The following VAC14 variants were observed in gnomAD, a reference collection of about 807,000 sequenced individuals.
VAC14 encodes protein VAC14 homolog.
Under a neutral mutation model 85.3 loss-of-function variants are expected in VAC14, and 47 were observed. That is an observed-to-expected ratio of 0.55 (90% CI 0.44 to 0.70). The LOEUF (loss-of-function observed/expected upper bound fraction) is 0.70. Among genes scored for constraint, VAC14 ranks in the 30% least tolerant of loss-of-function variants. The pLI is 0.00. For synonymous variants in VAC14, 447 were observed against 430.5 expected, an observed-to-expected ratio of 1.04 and a Z score of -0.47; for missense variants, 861 against 1,004.3, an observed-to-expected ratio of 0.86 and a Z score of 1.93.
chr16:70,698,442 G>A lies in VAC14; in HGVS notation c.1836+195C>T, dbSNP rs1452824283. Among the ~76,000 whole-genome samples, 6 of 152,174 alleles carry A rather than the reference G, an allele frequency of 3.9e-5. No individual in the cohort carries two copies. The East Asian group carries it at 9.7e-4, about 24-fold the overall frequency. ...GGGCAGAGACCTCAGTGTGGGTGAC[G>A]TGACGCACCCATGGTTAGTGCTGCG... On this transcript the variant is annotated intron_variant, in intron 15 of 18. Coordinates refer to ENST00000261776, the MANE Select transcript of VAC14 (RefSeq NM_018052.5).
intron 14 of VAC14, among the ~76,000 whole-genome samples, chr16:70,719,850 C>T (rs946390464): frequency 2.0e-5 from 3 of 152,134 alleles, no homozygotes; most frequent in African/African-American, 7.2e-5. Flanking sequence ...TCCAGCAATT[C>T]CTAGGTATAT....
chr16:70,691,522 C>T (rs913349810), intron 18 of VAC14: 102 of 985,354 alleles, frequency 1.0e-4, no homozygotes, highest in Non-Finnish European at 1.2e-4. Context: ...CACACATGCG[C>T]CCCCGCTCCA....
rs201408827 is a variant in VAC14, at chr16:70,731,639, G to A, written c.1529-12C>T. ...TAAGCCTTTGGTACCTGTAGAGAAA[G>A]GGATAGAGCCAGCATTTATTCTGAT... On this transcript the variant is annotated splice_polypyrimidine_tract_variant and intron_variant, in intron 13 of 18. Transcript: ENST00000261776. 3 of 1,613,218 alleles carry A rather than the reference G, an allele frequency of 1.9e-6. No homozygotes were observed. The highest frequency in any genetic ancestry group is 2.5e-6 in the Non-Finnish European group (3 of 1,179,684).
rs2033281210 is a variant in VAC14 at position 70,772,348 on chromosome 16, A to G, written c.1097-176T>C. On this transcript the variant is annotated intron_variant, in intron 9 of 18. Transcript: ENST00000261776. ...CCCAACCAACGCCCAGTCATTCTCG[A>G]TAGTCCCCAAGCTTGTAAGTCTGTA... 15 of 586,130 alleles carry G rather than the reference A, an allele frequency of 2.6e-5. No homozygotes were observed. The South Asian group carries it at 2.8e-4, about 11-fold the overall frequency. The allele number at this position is 586,130 out of a possible 1,614,324, so 36.3% of individuals were successfully genotyped here.
At chr16:70,721,153 A>G (rs1036561051) in intron 14 of VAC14, among the ~76,000 whole-genome samples, 2 of 152,178 alleles carry the variant, frequency 1.3e-5, no homozygotes, top group Non-Finnish European at 2.9e-5. Flanking sequence ...CTCCTGGGAG[A>G]GTATGCCGGC....
intron 18 of VAC14, among the ~76,000 whole-genome samples, chr16:70,692,524 T>G (rs2053616989): frequency 6.6e-6 from 1 of 152,120 alleles, no homozygotes; most frequent in Non-Finnish European, 1.5e-5. Context: ...CCAGATGCCC[T>G]CAGAGTTTTT....
At chr16:70,717,296 C>A (rs1458123578) in intron 14 of VAC14, among the ~76,000 whole-genome samples, 6 of 152,222 alleles carry the variant, frequency 3.9e-5, no homozygotes, top group Non-Finnish European at 5.9e-5. Context: ...AAGCGGGTGG[C>A]CTGTCCACTA....
At chr16:70,750,442 G>A (rs781358923) in intron 12 of VAC14, among the ~76,000 whole-genome samples, 2 of 152,260 alleles carry the variant, frequency 1.3e-5, no homozygotes, top group East Asian at 1.9e-4. Context: ...TTACCATGGT[G>A]ACAGGCGGGG....
chr16:70,691,168 C>T (rs1435161673), intron 18 of VAC14: 17 of 985,378 alleles, frequency 1.7e-5, no homozygotes, highest in Non-Finnish European at 2.0e-5. Context: ...CTTGTTCTAC[C>T]CTGGTTTGAG....
chr16:70,743,476 C>G (rs1462180882), intron 13 of VAC14, among the ~76,000 whole-genome samples: 1 of 152,252 alleles, frequency 6.6e-6, no homozygotes, highest in African/African-American at 2.4e-5. Flanking sequence ...GTCCGCACCA[C>G]TTTAACAGCT....
intron 14 of VAC14, among the ~76,000 whole-genome samples, chr16:70,724,231 C>T (rs1442951196): frequency 6.6e-6 from 1 of 152,196 alleles, no homozygotes; most frequent in Non-Finnish European, 1.5e-5. Context: ...ATCCATTTTG[C>T]AGGAGAAAAG....
Position 70,782,017 on chromosome 16 carries a change from CA to C in VAC14, c.812-15del, listed in dbSNP as rs764298284. The C allele has an allele frequency of 3.7e-6, 6 of 1,612,244 alleles. No homozygotes were observed. In the Admixed American group the frequency reaches 6.7e-5, roughly 18 times the overall value. On this transcript the variant is annotated splice_polypyrimidine_tract_variant and intron_variant, in intron 7 of 18. Transcript: ENST00000261776. ...GGATGAGGTCATCTGGAAGGGGAAT[CA>C]GGGGGTTCAGAGGGGCCAGCACACG...
At chr16:70,787,630 T>A (rs1474088599) in intron 1 of VAC14, among the ~76,000 whole-genome samples, 1 of 152,126 alleles carries the variant, frequency 6.6e-6, no homozygotes, top group East Asian at 1.9e-4. Context: ...CCCAGATCAC[T>A]GATGGAGGAG....
At chr16:70,795,494 T>TGA (rs1248171244) in intron 1 of VAC14, among the ~76,000 whole-genome samples, 42 of 91,940 alleles carry the variant, frequency 4.6e-4, no homozygotes, top group African/African-American at 1.8e-3. Flanking sequence ...AGACTCTGTC[T>TGA]AAAAAAAAAA....
At chr16:70,695,722 A>G in intron 16 of VAC14, 99 bp from the exon 17 acceptor site, 1 of 1,162,170 alleles carries the variant, frequency 8.6e-7, no homozygotes, top group Non-Finnish European at 1.3e-6. Context: ...TCCTGTGCAC[A>G]GAGCCTGGTT....
chr16:70,776,693 T>C (rs1461812304), intron 9 of VAC14, among the ~76,000 whole-genome samples: 3 of 152,020 alleles, frequency 2.0e-5, no homozygotes, highest in South Asian at 2.1e-4. Flanking sequence ...GCAAACTGAG[T>C]AGCTGGGATT....
At chr16:70,778,422 CTTTTT>C (rs539138003) in intron 9 of VAC14, 2 of 146,346 alleles carry the variant, frequency 1.4e-5, no homozygotes, top group African/African-American at 5.0e-5. Flanking sequence ...TAGGCACTGA[CTTTTT>C]TTTTTTTAAA....
chr16:70,760,525 G>A (rs1477636163), intron 12 of VAC14, among the ~76,000 whole-genome samples: 1 of 150,280 alleles, frequency 6.7e-6, no homozygotes, highest in Non-Finnish European at 1.5e-5. Context: ...GGGAAGCAGA[G>A]GCTCTTCACT....
chr16:70,745,386 C>T (rs2030767373), intron 12 of VAC14, among the ~76,000 whole-genome samples: 1 of 152,194 alleles, frequency 6.6e-6, no homozygotes, highest in East Asian at 1.9e-4. Flanking sequence ...TTGCCTGGCA[C>T]CAAGAGCTGG....
Sources: gnomAD v4.1 joint callset for allele counts (sites outside exome capture counted in the v4.1 genomes callset) on GRCh38, gnomAD v4.1.1 for gene constraint, MANE v1.5 for transcripts, NCBI Gene and HGNC (gene_info 2026-07-23, HGNC 2026-07-21) for gene names.